DOCK2: variants seen among roughly 807,000 people sequenced by gnomAD.
DOCK2 encodes the protein dedicator of cytokinesis protein 2.
A neutral mutation model predicts 248.9 loss-of-function variants in DOCK2; 87 were observed. The observed-to-expected ratio is 0.35, with a 90% confidence interval of 0.29 to 0.42. The LOEUF (loss-of-function observed/expected upper bound fraction) is 0.42, where lower values mean the gene tolerates loss of function less well. DOCK2 is among the 10% of genes least tolerant of loss of function. The probability of loss-of-function intolerance (pLI) is 1.00; values close to 1 mark genes in which losing one functional copy is unlikely to be tolerated. For synonymous variants in DOCK2, 805 were observed against 821.6 expected, an observed-to-expected ratio of 0.98 and a Z score of 0.35; for missense variants, 1,747 against 2,300.2, an observed-to-expected ratio of 0.76 and a Z score of 4.92.
At chr5:170,077,491 A>T (rs896692620) in intron 47 of DOCK2, among the ~76,000 whole-genome samples, 1 of 152,212 alleles carries the variant, frequency 6.6e-6, no homozygotes, top group Non-Finnish European at 1.5e-5. Context: ...AGGAAATTCC[A>T]AAGTTTTAGA....
Position 169,865,520 on chromosome 5 carries a change from G to A in DOCK2, c.2799+24668G>A, listed in dbSNP as rs143895551. 7.9e-3 allele frequency among the ~76,000 whole-genome samples: 1,199 copies of A among 152,316 alleles called. 8 individuals carry two copies. Among genetic ancestry groups the A allele is most frequent in the Middle Eastern group, 0.017 (5 of 294 alleles). ...TTAGACATCCCTGTGGGCTGAGCACGGGTTCCCTCTGTCCTTAATTGTCTT... is the reference window on the plus strand; with the variant it reads ...TTAGACATCCCTGTGGGCTGAGCACAGGTTCCCTCTGTCCTTAATTGTCTT... On this transcript the variant is annotated intron_variant, in intron 27 of 51. Coordinates refer to ENST00000520908, the MANE Select transcript of DOCK2 (RefSeq NM_004946.3).
chr5:169,978,101 T>C (rs1777781576), intron 27 of DOCK2, among the ~76,000 whole-genome samples: 1 of 152,080 alleles, frequency 6.6e-6, no homozygotes, highest in African/African-American at 2.4e-5. Context: ...TTATTTTATT[T>C]TGGTCGTGCG....
intron 27 of DOCK2, among the ~76,000 whole-genome samples, chr5:169,903,547 C>T (rs1416159077): frequency 3.6e-5 from 5 of 139,008 alleles, no homozygotes; most frequent in African/African-American, 1.1e-4. Context: ...AGGGGGCGTT[C>T]GGGTGGGCAC....
chr5:169,767,909 A>AACT (rs1454417785), intron 25 of DOCK2, among the ~76,000 whole-genome samples: 1 of 152,230 alleles, frequency 6.6e-6, no homozygotes, highest in Non-Finnish European at 1.5e-5. Context: ...TTAGGGTATT[A>AACT]ATATTTTGGA....
intron 6 of DOCK2, among the ~76,000 whole-genome samples, chr5:169,675,189 T>C (rs1759262866): frequency 6.6e-6 from 1 of 152,190 alleles, no homozygotes; most frequent in Non-Finnish European, 1.5e-5. Context: ...AATGACAGAA[T>C]CTGAACTTAG....
chr5:169,915,017 T>C (rs925819833), intron 27 of DOCK2, among the ~76,000 whole-genome samples: 2 of 152,186 alleles, frequency 1.3e-5, no homozygotes, highest in African/African-American at 4.8e-5. Context: ...CAAGGCAAAC[T>C]CACAGCACAG....
rs144638368 is a variant in DOCK2 at position 169,807,511 on chromosome 5, T to G, written c.2703+4305T>G. Reference sequence around the variant, plus strand: ...ATTCTCAGTTCTTTACCTTCTTAATTTAAGAACCCTGTCCAGTCTATAAAA... The same window carrying G: ...ATTCTCAGTTCTTTACCTTCTTAATGTAAGAACCCTGTCCAGTCTATAAAA... On this transcript the variant is annotated intron_variant, in intron 26 of 51. Coordinates refer to ENST00000520908, the MANE Select transcript of DOCK2 (RefSeq NM_004946.3). Among the ~76,000 whole-genome samples the G allele has an allele frequency of 1.6e-3, 244 of 152,192 alleles. 1 individual carries two copies. The highest frequency in any genetic ancestry group is 5.8e-3 in the African/African-American group (239 of 41,492).
chr5:169,804,686 T>A (rs942270998), intron 26 of DOCK2, among the ~76,000 whole-genome samples: 2 of 152,104 alleles, frequency 1.3e-5, no homozygotes, highest in African/African-American at 4.8e-5. Context: ...ATTTTAGAGA[T>A]GAAAAACCTG....
chr5:169,840,763 A>C lies in DOCK2; in HGVS notation c.2710A>C (p.Thr904Pro). ...GTCTCTGACTGTTTTACAGGCCTTC[A>C]CCTACCACCATATCCAGGAGATCAT... ...EVLSYQDAAF[T>P]YHHIQEIMVQ... Residue 904 changes from threonine to proline, a missense_variant, in exon 27 of 52, where the codon ACC becomes CCC. Transcript: ENST00000520908. The C allele has an allele frequency of 6.2e-7, 1 of 1,613,820 alleles. No homozygotes were observed. The highest frequency in any genetic ancestry group is 8.5e-7 in the Non-Finnish European group (1 of 1,179,908).
chr5:169,929,579 A>G (rs569985594), intron 27 of DOCK2, among the ~76,000 whole-genome samples: 32 of 152,058 alleles, frequency 2.1e-4, no homozygotes, highest in African/African-American at 7.5e-4. Flanking sequence ...TCTAACAACA[A>G]CAACAACAAC....
At chr5:169,800,531 G>A (rs924138813) in intron 25 of DOCK2, among the ~76,000 whole-genome samples, 4 of 152,114 alleles carry the variant, frequency 2.6e-5, no homozygotes, top group Admixed American at 2.0e-4. Flanking sequence ...CATTAATTAC[G>A]TTTATTGGAA....
At chr5:169,822,876 G>A (rs1208137160) in intron 26 of DOCK2, among the ~76,000 whole-genome samples, 1 of 152,046 alleles carries the variant, frequency 6.6e-6, no homozygotes, top group African/African-American at 2.4e-5. Context: ...CCACTAGCAA[G>A]ACTAATAAAG....
intron 15 of DOCK2, 117 bp downstream of exon 15, chr5:169,708,384 T>C (rs2113508325): frequency 2.9e-6 from 3 of 1,030,646 alleles, no homozygotes; most frequent in Non-Finnish European, 4.3e-6. Flanking sequence ...GTGAGGTTTG[T>C]ACTAATATTT....
intron 25 of DOCK2, among the ~76,000 whole-genome samples, chr5:169,780,332 T>TGTGTGTGTGTGG (rs1233776112): frequency 2.0e-4 from 23 of 113,624 alleles, no homozygotes; most frequent in African/African-American, 5.6e-4. Flanking sequence ...TGTGTGTGTG[T>TGTGTGTGTGTGG]GTGTGTGTTG....
intron 27 of DOCK2, among the ~76,000 whole-genome samples, chr5:169,866,921 C>G (rs1205111901): frequency 6.6e-6 from 1 of 152,198 alleles, no homozygotes; most frequent in African/African-American, 2.4e-5. Context: ...ACTATCTACC[C>G]AGAGATAGCA....
intron 29 of DOCK2, among the ~76,000 whole-genome samples, chr5:169,992,902 A>C (rs1313608684): frequency 6.6e-6 from 1 of 152,188 alleles, no homozygotes. Flanking sequence ...GAAAGGGAGG[A>C]ACTTTGATTT....
chr5:169,964,739 T>C (rs993502201), intron 27 of DOCK2, among the ~76,000 whole-genome samples: 1 of 152,218 alleles, frequency 6.6e-6, no homozygotes, highest in Non-Finnish European at 1.5e-5. Flanking sequence ...TAGCTGAGTA[T>C]AGTTTCAGAT....
At chr5:169,888,806 A>C (rs1054751519) in intron 27 of DOCK2, among the ~76,000 whole-genome samples, 1 of 152,186 alleles carries the variant, frequency 6.6e-6, no homozygotes, top group African/African-American at 2.4e-5. Context: ...TTCAGATAGA[A>C]CCCAGCTGGT....
At chr5:170,025,298 T>A (rs1045148072) in intron 33 of DOCK2, among the ~76,000 whole-genome samples, 1 of 152,250 alleles carries the variant, frequency 6.6e-6, no homozygotes, top group Non-Finnish European at 1.5e-5. Context: ...TAAACTTTTA[T>A]TGGACTACAG....
Sources: allele counts gnomAD v4.1 joint callset (sites outside exome capture counted in the v4.1 genomes callset), GRCh38; gene constraint gnomAD v4.1.1; transcripts MANE v1.5; gene names NCBI Gene and HGNC (gene_info 2026-07-23, HGNC 2026-07-21).